The following SHQ1 variants were observed in gnomAD, a reference collection of about 807,000 sequenced individuals.
SHQ1 encodes SHQ1, H/ACA ribonucleoprotein assembly factor.
Under a neutral mutation model 53.8 loss-of-function variants are expected in SHQ1, and 49 were observed. The ratio of observed to expected loss-of-function variants is 0.91; its 90% CI spans 0.72 to 1.16. The LOEUF (loss-of-function observed/expected upper bound fraction) is 1.16. Ranked by LOEUF, SHQ1 falls within the 50% of genes most tolerant of loss-of-function variation. The pLI is 0.00. For synonymous variants in SHQ1, 243 were observed against 251.0 expected (o/e 0.97, Z 0.30); for missense variants, 738 against 683.1 (o/e 1.08, Z -0.90).
chr3:72,775,106 C>G (rs970215960), intron 10 of SHQ1, among the ~76,000 whole-genome samples: 1 of 151,996 alleles, frequency 6.6e-6, no homozygotes, highest in African/African-American at 2.4e-5. Flanking sequence ...CAGAATGAGA[C>G]TCCGTCTCCA....
At chr3:72,727,121 C>A in the SHQ1 span, among the ~76,000 whole-genome samples, 1 of 152,170 alleles carries the variant, frequency 6.6e-6, no homozygotes, top group Non-Finnish European at 1.5e-5. Flanking sequence ...AACCATGGAA[C>A]CAGGGGGTCC....
At chr3:72,844,593 G>T (rs1331718065) in intron 1 of SHQ1, 170 bp from the exon 2 acceptor site, 1 of 668,120 alleles carries the variant, frequency 1.5e-6, no homozygotes, top group Non-Finnish European at 2.7e-6. Flanking sequence ...CCCCAACCAA[G>T]AAAGTAGAAA....
intron 10 of SHQ1, among the ~76,000 whole-genome samples, chr3:72,757,441 T>C (rs1165674834): frequency 6.7e-6 from 1 of 149,218 alleles, no homozygotes; most frequent in Non-Finnish European, 1.5e-5. Flanking sequence ...TGGAGACCAG[T>C]AGTCAAAGGA....
chr3:72,840,037 C>T (rs556122109), intron 4 of SHQ1, among the ~76,000 whole-genome samples: 14 of 152,100 alleles, frequency 9.2e-5, no homozygotes, highest in South Asian at 6.2e-4. Flanking sequence ...TGGGATTACA[C>T]GCACCACCAC....
intron 10 of SHQ1, chr3:72,753,473 C>A (rs1009591885): frequency 1.0e-6 from 1 of 985,188 alleles, no homozygotes; most frequent in African/African-American, 1.7e-5. Context: ...GATTGCCCCC[C>A]ACCCCCCACA....
intron 10 of SHQ1, among the ~76,000 whole-genome samples, chr3:72,789,947 T>C (rs1453316686): frequency 6.6e-6 from 1 of 152,234 alleles, no homozygotes; most frequent in Non-Finnish European, 1.5e-5. Flanking sequence ...GTGGCATATC[T>C]TGAAAAATAT....
chr3:72,848,074 G>A (rs967629325), intron 1 of SHQ1, 124 bp downstream of exon 1: 15 of 1,185,626 alleles, frequency 1.3e-5, no homozygotes, highest in East Asian at 2.4e-5. Flanking sequence ...ACCAAGAGAA[G>A]CTGCGGAAAC....
At chr3:72,788,537 T>C (rs1706327236) in intron 10 of SHQ1, among the ~76,000 whole-genome samples, 1 of 151,914 alleles carries the variant, frequency 6.6e-6, no homozygotes, top group Non-Finnish European at 1.5e-5. Flanking sequence ...GTCGGGGAAG[T>C]GAGGACCTCC....
intron 10 of SHQ1, among the ~76,000 whole-genome samples, chr3:72,757,114 C>A (rs865946283): frequency 6.6e-6 from 1 of 152,238 alleles, no homozygotes; most frequent in Non-Finnish European, 1.5e-5. Context: ...CTTTTCACCA[C>A]TTCCTGCAAT....
At chr3:72,779,123 A>G (rs1277415237) in intron 10 of SHQ1, among the ~76,000 whole-genome samples, 9 of 152,198 alleles carry the variant, frequency 5.9e-5, no homozygotes, top group African/African-American at 1.7e-4. Flanking sequence ...AATTCTTAAC[A>G]TTACTTAAAA....
intron 10 of SHQ1, 25 bp from the exon 11 acceptor site, chr3:72,750,861 A>T (rs750318150): frequency 4.1e-6 from 6 of 1,478,666 alleles, no homozygotes; most frequent in Non-Finnish European, 5.4e-6. Flanking sequence ...AAAAAGAAAG[A>T]TTAGAATTAT....
At chr3:72,760,415 T>A (rs1000327958) in intron 10 of SHQ1, among the ~76,000 whole-genome samples, 2 of 152,234 alleles carry the variant, frequency 1.3e-5, no homozygotes, top group African/African-American at 2.4e-5. Context: ...AGAAAGGACT[T>A]CCTGCATGAC....
At chr3:72,726,429 T>C in the SHQ1 span, among the ~76,000 whole-genome samples, 1 of 152,178 alleles carries the variant, frequency 6.6e-6, no homozygotes, top group Non-Finnish European at 1.5e-5. Context: ...CTTGGCTCAC[T>C]GCAACCTCTG....
At chr3:72,846,180 A>C (rs150793393) in intron 1 of SHQ1, 35 of 1,528,656 alleles carry the variant, frequency 2.3e-5, no homozygotes, top group East Asian at 4.9e-5. Context: ...GCCTAGAGTT[A>C]AATTCTTACT....
rs146436428 is a variant in SHQ1 at position 72,833,660 on chromosome 3, T to C, written c.487-1179A>G. On this transcript the variant is annotated intron_variant, in intron 4 of 10. Coordinates refer to ENST00000325599, the MANE Select transcript of SHQ1 (RefSeq NM_018130.3). ...ATCCTAAGAATCAGTTTTCCTGTCA[T>C]TGCCTTTGCCTAGATGCATACATAC... Among the ~76,000 whole-genome samples the C allele has an allele frequency of 6.7e-3, 1,026 of 152,340 alleles. 13 individuals are homozygous for C. The highest frequency in any genetic ancestry group is 0.023 in the African/African-American group (967 of 41,570).
the SHQ1 span, among the ~76,000 whole-genome samples, chr3:72,735,889 ATCTC>A: frequency 4.8e-5 from 7 of 145,490 alleles, no homozygotes; most frequent in South Asian, 1.5e-3. Context: ...AAATGTGTCA[ATCTC>A]TCTCTCTCTC....
At chr3:72,731,682 C>T in the SHQ1 span, among the ~76,000 whole-genome samples, 28 of 148,776 alleles carry the variant, frequency 1.9e-4, no homozygotes, top group South Asian at 4.2e-4. Flanking sequence ...AGTGAGACTC[C>T]GTTTCAAAAA....
At chr3:72,842,918 T>C (rs1412888482) in intron 2 of SHQ1, among the ~76,000 whole-genome samples, 1 of 151,918 alleles carries the variant, frequency 6.6e-6, no homozygotes, top group Non-Finnish European at 1.5e-5. Flanking sequence ...TACTAAAAAA[T>C]ACAAAAATTA....
At chr3:72,820,855 C>T (rs1219240151) in intron 6 of SHQ1, among the ~76,000 whole-genome samples, 1 of 152,188 alleles carries the variant, frequency 6.6e-6, no homozygotes, top group Non-Finnish European at 1.5e-5. Context: ...AGGACCACCT[C>T]CCAACATCAA....
Sources: gnomAD v4.1 joint callset for allele counts (sites outside exome capture counted in the v4.1 genomes callset) on GRCh38, gnomAD v4.1.1 for gene constraint, MANE v1.5 for transcripts, NCBI Gene and HGNC (gene_info 2026-07-23, HGNC 2026-07-21) for gene names.